CDR2L: variants seen among roughly 807,000 people sequenced by gnomAD.
CDR2L encodes the protein cerebellar degeneration-related protein 2-like.
In CDR2L, 19 loss-of-function variants were observed where a neutral mutation model predicts 36.1. The observed-to-expected ratio is 0.53, with a 90% CI of 0.37 to 0.77. CDR2L has a LOEUF of 0.77. Among genes scored for constraint, CDR2L ranks in the 30% least tolerant of loss-of-function variants. The pLI, the probability that CDR2L is intolerant of heterozygous loss-of-function variation, is 0.00. For missense variants in CDR2L, 575 were observed against 627.2 expected, an observed-to-expected ratio of 0.92 and a Z score of 0.89; for synonymous variants, 285 against 280.4, an observed-to-expected ratio of 1.02 and a Z score of -0.16.
chr17:74,993,782 G>A (rs1288389561), intron 1 of CDR2L, among the ~76,000 whole-genome samples: 7 of 152,286 alleles, frequency 4.6e-5, no homozygotes, highest in African/African-American at 9.6e-5. Context: ...CCTTGCTCTA[G>A]GATAGCAGCT....
rs1567976018 is a variant in CDR2L at position 75,003,252 on chromosome 17, C to CCTG, written c.576_577insCTG (p.Asn192_Glu193insLeu). On this transcript the variant is annotated inframe_insertion, in exon 5 of 5. Transcript: ENST00000337231. The stretch of plus-strand genomic sequence containing the variant: ...GCCCGCGGCCCCTGGAGCAGGAGAA[C>CCTG]GAGCGGCTGCAGACCCTGGTGGGGG... 10 of 1,560,958 alleles carry CCTG rather than the reference C, an allele frequency of 6.4e-6. No homozygotes were observed. Among genetic ancestry groups the CCTG allele is most frequent in the Non-Finnish European group, 8.7e-6 (10 of 1,153,516 alleles).
At position 75,004,474 on chromosome 17, in the gene CDR2L, A is replaced by G. The variant is rs541510418; in HGVS notation, c.*400A>G. The G allele has an allele frequency of 6.1e-6, 1 of 164,718 alleles. No homozygotes were observed. The highest frequency in any genetic ancestry group is 1.8e-4 in the South Asian group (1 of 5,534). The allele number at this position is 164,718 out of a possible 1,614,324, so 10.2% of individuals were successfully genotyped here. ...GTTTGTTTTTTCTAAGAGATTTGCAATGCAAGGTCTCCTTGACCCCTTGCC... is the reference window on the plus strand; with the variant it reads ...GTTTGTTTTTTCTAAGAGATTTGCAGTGCAAGGTCTCCTTGACCCCTTGCC... On this transcript the variant is annotated 3_prime_UTR_variant, in exon 5 of 5. Coordinates refer to ENST00000337231, the MANE Select transcript of CDR2L (RefSeq NM_014603.3).
chr17:74,989,648 TTTTA>T lies in CDR2L; in HGVS notation c.79+1546_79+1549del, dbSNP rs950401773. Among the ~76,000 whole-genome samples, 3 of 151,950 alleles carry T rather than the reference TTTTA, an allele frequency of 2.0e-5. No homozygotes were observed. The highest frequency in any genetic ancestry group is 7.2e-5 in the African/African-American group (3 of 41,424). ...GGCACAGTATTTTTTTCTTTTTTCT[TTTTA>T]TTTATTTATTTATTTATTTTCAGAC... is the stretch of plus-strand genomic sequence containing the variant. On this transcript the variant is annotated intron_variant, in intron 1 of 4. Coordinates refer to ENST00000337231, the MANE Select transcript of CDR2L (RefSeq NM_014603.3). This position sits in a 1 kb window ranked among gnomAD's most constrained non-coding sequence, Gnocchi z 4.2.
chr17:74,990,632 C>T (rs1214075627), intron 1 of CDR2L, among the ~76,000 whole-genome samples: 3 of 152,256 alleles, frequency 2.0e-5, no homozygotes, highest in Admixed American at 6.5e-5. Context: ...CAGGGGGAAG[C>T]GATGCTTGTA....
chr17:75,002,982 G>A lies in CDR2L; in HGVS notation c.507-201G>A, dbSNP rs533116648. ...CCAGGCAACCTGACAGAGGCGGTCC[G>A]TAGTGGTCAGCCTCCGGGGGCAGAG... On this transcript the variant is annotated intron_variant, in intron 4 of 4. Coordinates refer to ENST00000337231, the MANE Select transcript of CDR2L (RefSeq NM_014603.3). This position sits in a 1 kb window ranked among gnomAD's most constrained non-coding sequence, Gnocchi z 4.1. Among the ~76,000 whole-genome samples the A allele has an allele frequency of 6.6e-6, 1 of 152,220 alleles. No homozygotes were observed. The highest frequency in any genetic ancestry group is 1.5e-5 in the Non-Finnish European group (1 of 68,028).
intron 2 of CDR2L, among the ~76,000 whole-genome samples, 191 bp downstream of exon 2, chr17:74,999,807 ATT>A (rs11344982): frequency 1.4e-4 from 20 of 148,052 alleles, no homozygotes; most frequent in South Asian, 2.1e-4. Context: ...GCACAACTAG[ATT>A]TTTTTTTTTT....
chr17:74,988,203 AC>A, intron 1 of CDR2L, 81 bp downstream of exon 1: 1 of 1,079,970 alleles, frequency 9.3e-7, no homozygotes, highest in Non-Finnish European at 1.3e-6. Context: ...GGGCGCTATC[AC>A]CCCGGGAGGG....
At chr17:74,997,483 A>G (rs2039836565) in intron 1 of CDR2L, among the ~76,000 whole-genome samples, 1 of 152,068 alleles carries the variant, frequency 6.6e-6, no homozygotes, top group East Asian at 1.9e-4. Flanking sequence ...CCTTGCCCCT[A>G]TGTCCGTCCA....
At position 75,003,256 on chromosome 17, in the gene CDR2L, C is replaced by G. The variant is rs1433577650; in HGVS notation, c.580C>G (p.Arg194Gly). Residue 194 changes from arginine to glycine, a missense_variant, in exon 5 of 5, where the codon CGG becomes GGG. Coordinates refer to ENST00000337231, the MANE Select transcript of CDR2L (RefSeq NM_014603.3). ...GCGGCCCCTGGAGCAGGAGAACGAGCGGCTGCAGACCCTGGTGGGGGCGCT... is the reference window on the plus strand; with the variant it reads ...GCGGCCCCTGGAGCAGGAGAACGAGGGGCTGCAGACCCTGGTGGGGGCGCT... Reference protein sequence around the residue: ...GPRPLEQENERLQTLVGALRS... With the variant: ...GPRPLEQENEGLQTLVGALRS... 1 of 1,560,420 alleles carries G rather than the reference C, an allele frequency of 6.4e-7. No homozygotes were observed. The highest frequency in any genetic ancestry group is 8.7e-7 in the Non-Finnish European group (1 of 1,153,212).
At chr17:74,991,713 T>C (rs1441851897) in intron 1 of CDR2L, among the ~76,000 whole-genome samples, 2 of 110,692 alleles carry the variant, frequency 1.8e-5, no homozygotes, top group African/African-American at 6.3e-5. Flanking sequence ...TGAGACTCTG[T>C]CTCAAAAAAA....
rs1408903444 is a variant in CDR2L, at chr17:75,003,276, G to C, written c.600G>C (p.Gly200=). 9 of 1,556,846 alleles carry C rather than the reference G, an allele frequency of 5.8e-6. No homozygotes were observed. In the South Asian group the frequency reaches 1.1e-4, roughly 18 times the overall value. ...QENERLQTLV[G]ALRSQVSQER... ...ACGAGCGGCTGCAGACCCTGGTGGG[G>C]GCGCTGCGCTCCCAGGTGAGCCAGG... The change falls in exon 5 of 5, where the codon GGG becomes GGC. Residue 200 remains glycine (G), a synonymous_variant. Coordinates refer to ENST00000337231, the MANE Select transcript of CDR2L (RefSeq NM_014603.3).
intron 2 of CDR2L, among the ~76,000 whole-genome samples, chr17:75,000,970 A>G (rs960865292): frequency 9.9e-5 from 15 of 151,814 alleles, no homozygotes; most frequent in African/African-American, 3.4e-4. Flanking sequence ...GTGGTGGTGC[A>G]TGCCTATAAT....
rs867502565 is a variant in CDR2L, at chr17:74,987,861, G to A, written c.-183G>A. On this transcript the variant is annotated 5_prime_UTR_variant, in exon 1 of 5. Transcript: ENST00000337231. ...CGGGACCCCGGCCGGGCCGGACCCT[G>A]GCAAAGCGCCAGGCCCCGCGTGGGC... The A allele has an allele frequency of 1.8e-4, 52 of 287,122 alleles. No homozygotes were observed. The East Asian group carries it at 2.9e-3, about 16-fold the overall frequency. The allele number at this position is 287,122 out of a possible 1,614,324, so 17.8% of individuals were successfully genotyped here.
chr17:74,999,282 C>A (rs4789124), intron 1 of CDR2L, among the ~76,000 whole-genome samples: 140,885 of 151,138 alleles, frequency 0.93, 66,313 homozygotes, highest in East Asian at 1. Flanking sequence ...TTTTTTATTA[C>A]ATCTTGCACA....
intron 1 of CDR2L, among the ~76,000 whole-genome samples, chr17:74,988,683 A>T (rs9895930): frequency 0.78 from 117,907 of 152,124 alleles, 48,472 homozygotes; most frequent in Non-Finnish European, 0.91. Context: ...CAAGTCTCCC[A>T]TCTGCCTTCG....
intron 2 of CDR2L, among the ~76,000 whole-genome samples, chr17:75,000,453 C>T (rs1490455969): frequency 6.7e-6 from 1 of 150,338 alleles, no homozygotes; most frequent in Non-Finnish European, 1.5e-5. Context: ...CCCACCACCG[C>T]ACCCGGTTAA....
intron 1 of CDR2L, among the ~76,000 whole-genome samples, chr17:74,997,360 G>A (rs1485466776): frequency 6.6e-6 from 1 of 152,020 alleles, no homozygotes; most frequent in African/African-American, 2.4e-5. Flanking sequence ...ATTACGGCGT[G>A]AGCCACCGCA....
In CDR2L at chr17:74,990,205, G is replaced by T. The variant is rs555322667; in HGVS notation, c.79+2083G>T. ...GAGAAGGATCTGAGACTCCAGCTGC[G>T]CTGGGTGGCCGTGCTCTGGGCTGCC... is the stretch of plus-strand genomic sequence containing the variant. On this transcript the variant is annotated intron_variant, in intron 1 of 4. Coordinates refer to ENST00000337231, the MANE Select transcript of CDR2L (RefSeq NM_014603.3). Among the ~76,000 whole-genome samples, 6 of 152,286 alleles carry T rather than the reference G, an allele frequency of 3.9e-5. No homozygotes were observed. In the South Asian group the frequency reaches 1.0e-3, roughly 26 times the overall value.
At position 75,003,976 on chromosome 17, in the gene CDR2L, C is replaced by G. The variant is rs1485463354; in HGVS notation, c.1300C>G (p.Pro434Ala). The change falls in exon 5 of 5, where the codon CCC becomes GCC. Residue 434 changes from proline to alanine, a missense_variant. Transcript: ENST00000337231. ...AVDKRLEQSQ[P>A]EYKALFKEIF... The stretch of plus-strand genomic sequence containing the variant: ...GGACAAGCGGCTGGAACAGAGCCAG[C>G]CCGAGTACAAGGCGCTCTTCAAAGA... The G allele has an allele frequency of 6.2e-7, 1 of 1,609,288 alleles. No homozygotes were observed. Among genetic ancestry groups the G allele is most frequent in the Non-Finnish European group, 8.5e-7 (1 of 1,178,090 alleles).
Sources: gnomAD v4.1 joint callset for allele counts (sites outside exome capture counted in the v4.1 genomes callset) on GRCh38, gnomAD v4.1.1 for gene constraint, Gnocchi (gnomAD v3.1) non-coding constraint, MANE v1.5 for transcripts, NCBI Gene and HGNC (gene_info 2026-07-23, HGNC 2026-07-21) for gene names.